LRRC4C: variants seen among roughly 807,000 people sequenced by gnomAD.
LRRC4C encodes the protein leucine rich repeat containing 4C, also known as leucine-rich repeat-containing protein 4C.
A neutral mutation model predicts 33.6 loss-of-function variants in LRRC4C; 5 were observed. That is an observed-to-expected ratio of 0.15 (90% CI 0.08 to 0.31). The LOEUF (loss-of-function observed/expected upper bound fraction) is 0.31. LRRC4C is among the 10% of genes least tolerant of loss of function. LRRC4C has a pLI of 1.00. For missense variants in LRRC4C, 560 were observed against 796.7 expected (o/e 0.70, Z 3.58); for synonymous variants, 329 against 302.0 (o/e 1.09, Z -0.93).
intron 2 of LRRC4C, among the ~76,000 whole-genome samples, chr11:40,865,102 A>G (rs2135885286): frequency 6.6e-6 from 1 of 152,314 alleles, no homozygotes; most frequent in Non-Finnish European, 1.5e-5. Flanking sequence ...TAATTTCATA[A>G]AAAAGGAAAT....
intron 2 of LRRC4C, among the ~76,000 whole-genome samples, chr11:40,731,558 C>A (rs1316683316): frequency 2.0e-5 from 3 of 152,122 alleles, no homozygotes. Context: ...TTCTTTATAG[C>A]AATGCAAGAA....
At chr11:40,700,635 A>G (rs971658794) in intron 2 of LRRC4C, among the ~76,000 whole-genome samples, 14 of 152,152 alleles carry the variant, frequency 9.2e-5, no homozygotes, top group Non-Finnish European at 1.5e-4. Flanking sequence ...AAAGTTAGCT[A>G]AATGATTGTC....
At position 40,277,071 on chromosome 11, in the gene LRRC4C, A is replaced by G. The variant is rs143172176; in HGVS notation, c.-175-35473T>C. ...AGGTCCAATTTCCTGTTCTATATAC[A>G]GAGGAGGATGTCTTCTGATGGATAC... On this transcript the variant is annotated intron_variant, in intron 4 of 6. Coordinates refer to ENST00000528697, the MANE Select transcript of LRRC4C (RefSeq NM_001258419.2). 2.0e-3 allele frequency among the ~76,000 whole-genome samples: 312 copies of G among 152,240 alleles called. 1 individual carries two copies. The highest frequency in any genetic ancestry group is 6.6e-3 in the African/African-American group (275 of 41,566).
intron 1 of LRRC4C, among the ~76,000 whole-genome samples, chr11:40,940,532 T>C (rs556104617): frequency 6.6e-6 from 1 of 152,294 alleles, no homozygotes; most frequent in South Asian, 2.1e-4. Context: ...AGTAACTTAC[T>C]TCAGATCTCC....
intron 1 of LRRC4C, among the ~76,000 whole-genome samples, chr11:41,353,256 C>T (rs368855390): frequency 6.6e-6 from 1 of 151,994 alleles, no homozygotes; most frequent in Non-Finnish European, 1.5e-5. Context: ...TGCACACAAA[C>T]TAGAAAACCT....
intron 3 of LRRC4C, among the ~76,000 whole-genome samples, chr11:40,367,619 T>C (rs114533552): frequency 0.032 from 4,822 of 152,180 alleles, 240 homozygotes; most frequent in African/African-American, 0.1. Context: ...TATAGAATTC[T>C]TTGGGTGTCT....
chr11:40,375,366 T>C (rs1424328029), intron 3 of LRRC4C, among the ~76,000 whole-genome samples: 2 of 152,154 alleles, frequency 1.3e-5, no homozygotes, highest in Non-Finnish European at 2.9e-5. Context: ...ATCTTCTCTT[T>C]AACAGCTGGA....
intron 4 of LRRC4C, among the ~76,000 whole-genome samples, chr11:40,289,380 T>C (rs553530419): frequency 2.6e-5 from 4 of 152,252 alleles, no homozygotes; most frequent in East Asian, 1.9e-4. Flanking sequence ...GACTAGACAA[T>C]TGAGAGCCAG....
chr11:40,827,615 G>C (rs1223245835), intron 2 of LRRC4C, among the ~76,000 whole-genome samples: 1 of 151,702 alleles, frequency 6.6e-6, no homozygotes, highest in Non-Finnish European at 1.5e-5. Flanking sequence ...TGGGCCCTTA[G>C]AGAAAAGTAA....
chr11:40,884,053 C>T (rs1048981544), intron 2 of LRRC4C, among the ~76,000 whole-genome samples: 1 of 151,966 alleles, frequency 6.6e-6, no homozygotes, highest in African/African-American at 2.4e-5. Context: ...TCCTAATGCT[C>T]TCCCTCTCCT....
intron 1 of LRRC4C, among the ~76,000 whole-genome samples, chr11:41,195,023 A>T (rs1946121833): frequency 6.6e-6 from 1 of 152,076 alleles, no homozygotes; most frequent in African/African-American, 2.4e-5. Context: ...AAGATAAAAA[A>T]AAAAACTGAT....
intron 4 of LRRC4C, among the ~76,000 whole-genome samples, chr11:40,243,117 C>T (rs1253561190): frequency 6.6e-6 from 1 of 152,142 alleles, no homozygotes; most frequent in Non-Finnish European, 1.5e-5. Flanking sequence ...TTGAATGTGG[C>T]TTCTGGAATA....
intron 2 of LRRC4C, among the ~76,000 whole-genome samples, chr11:40,839,500 C>A (rs901442495): frequency 6.6e-6 from 1 of 152,154 alleles, no homozygotes; most frequent in Non-Finnish European, 1.5e-5. Flanking sequence ...CCTGCCTCGG[C>A]GTTCCAAAGT....
At chr11:40,768,759 C>T (rs1216627835) in intron 2 of LRRC4C, among the ~76,000 whole-genome samples, 1 of 151,962 alleles carries the variant, frequency 6.6e-6, no homozygotes, top group Non-Finnish European at 1.5e-5. Context: ...TCAACTGATG[C>T]TAAAAAATCA....
chr11:41,291,653 T>A (rs1223918743), intron 1 of LRRC4C, among the ~76,000 whole-genome samples: 3 of 152,122 alleles, frequency 2.0e-5, no homozygotes, highest in Non-Finnish European at 2.9e-5. Flanking sequence ...CAGGAGCCTA[T>A]ACAAAGGTTC....
chr11:40,729,854 T>G (rs1287805376), intron 2 of LRRC4C, among the ~76,000 whole-genome samples: 2 of 152,134 alleles, frequency 1.3e-5, no homozygotes, highest in Admixed American at 6.5e-5. Flanking sequence ...TACTATACTG[T>G]GAAAATAAAT....
chr11:40,718,797 T>C (rs186638528), intron 2 of LRRC4C, among the ~76,000 whole-genome samples: 7 of 152,326 alleles, frequency 4.6e-5, no homozygotes. Flanking sequence ...CATCTCTTAC[T>C]TTCTTTTATT....
At chr11:41,070,216 T>C (rs943449605) in intron 1 of LRRC4C, among the ~76,000 whole-genome samples, 1 of 152,190 alleles carries the variant, frequency 6.6e-6, no homozygotes, top group African/African-American at 2.4e-5. Flanking sequence ...GCTAGCCATA[T>C]GCAGAAAACT....
chr11:40,627,406 T>A (rs908588188), intron 3 of LRRC4C, among the ~76,000 whole-genome samples: 3 of 152,174 alleles, frequency 2.0e-5, no homozygotes, highest in African/African-American at 7.2e-5. Flanking sequence ...ACGTCTTTAG[T>A]ATGCATTTAT....
Sources: gnomAD v4.1 joint callset for allele counts (sites outside exome capture counted in the v4.1 genomes callset) on GRCh38, gnomAD v4.1.1 for gene constraint, MANE v1.5 for transcripts, NCBI Gene and HGNC (gene_info 2026-07-23, HGNC 2026-07-21) for gene names.